TRIM67: variants seen among roughly 807,000 people sequenced by gnomAD.
The protein encoded by TRIM67 is tripartite motif containing 67.
A neutral mutation model predicts 71.0 loss-of-function variants in TRIM67; 39 were observed. That is an observed-to-expected ratio of 0.55 (90% confidence interval 0.43 to 0.72). The LOEUF (loss-of-function observed/expected upper bound fraction) is 0.72, where lower values mean the gene tolerates loss of function less well. Among genes scored for constraint, TRIM67 ranks in the 30% least tolerant of loss-of-function variants. The pLI, the probability that TRIM67 is intolerant of heterozygous loss-of-function variation, is 0.00. For missense variants in TRIM67, 973 were observed against 1,079.2 expected (o/e 0.90, Z 1.38); for synonymous variants, 481 against 473.9 (o/e 1.01, Z -0.19).
At position 231,218,742 on chromosome 1, in the gene TRIM67, G is replaced by A. The variant is rs1468316746; in HGVS notation, c.*3302G>A. On this transcript the variant is annotated 3_prime_UTR_variant, in exon 10 of 10. Transcript: ENST00000366653. Reference sequence around the variant, plus strand: ...ATATGTACTTTGTAGTTGCAACAGCGCCCTAGGTGCCCTATGGCCCACCAA... The same window carrying A: ...ATATGTACTTTGTAGTTGCAACAGCACCCTAGGTGCCCTATGGCCCACCAA... The A allele has an allele frequency of 9.1e-6, 9 of 985,384 alleles. No homozygotes were observed. Among genetic ancestry groups the A allele is most frequent in the African/African-American group, 7.0e-5 (4 of 57,322 alleles). 61.0% of individuals were successfully genotyped at this position (985,384 alleles called of 1,614,324 possible). A position where few individuals can be genotyped will look rare whatever the true frequency, so the allele number is the denominator to read the frequency against.
rs1684113727 is a variant in TRIM67, at chr1:231,220,407, G to C, written c.*4967G>C. ...CACTGCGAGGCCTCAAGGCCTCTGT[G>C]AGCAGAAGCCCCTTTAAACCAAGGA... On this transcript the variant is annotated 3_prime_UTR_variant, in exon 10 of 10. Coordinates refer to ENST00000366653, the MANE Select transcript of TRIM67 (RefSeq NM_001004342.5). 1 of 156,402 alleles carries C rather than the reference G, an allele frequency of 6.4e-6. No individual in the cohort carries two copies. Among genetic ancestry groups the C allele is most frequent in the Non-Finnish European group, 1.4e-5 (1 of 70,646 alleles). 9.7% of individuals were successfully genotyped at this position (156,402 alleles called of 1,614,324 possible).
At chr1:231,186,303 G>T in intron 1 of TRIM67, 1 of 734,052 alleles carries the variant, frequency 1.4e-6, no homozygotes, top group Non-Finnish European at 2.2e-6. Context: ...GACAAATCGG[G>T]CCTGACCTGG....
intron 1 of TRIM67, chr1:231,184,976 C>T (rs1459908568): frequency 6.6e-7 from 1 of 1,503,890 alleles, no homozygotes; most frequent in African/African-American, 1.4e-5. Context: ...AAACACCCAG[C>T]AGTGCTCCTG....
At position 231,216,769 on chromosome 1, in the gene TRIM67, T is replaced by A; in HGVS notation, c.*1329T>A. ...CAGGCTTCTCCCTTGAGATCCACAT[T>A]GATTCATCCACACCTCTCAGAGACA... On this transcript the variant is annotated 3_prime_UTR_variant, in exon 10 of 10. Transcript: ENST00000366653. The A allele has an allele frequency of 6.1e-6, 6 of 985,506 alleles. No homozygotes were observed. Among genetic ancestry groups the A allele is most frequent in the Non-Finnish European group, 7.2e-6 (6 of 829,946 alleles). The allele number at this position is 985,506 out of a possible 1,614,324, so 61.0% of individuals were successfully genotyped here. A position where few individuals can be genotyped will look rare whatever the true frequency, so the allele number is the denominator to read the frequency against.
At position 231,220,016 on chromosome 1, in the gene TRIM67, G is replaced by A. The variant is rs1684103083; in HGVS notation, c.*4576G>A. ...AATCTCTTATCCTTTCTGTGCCTCA[G>A]TATCCCCACCTGAAATGAGACTAGT... On this transcript the variant is annotated 3_prime_UTR_variant, in exon 10 of 10. Transcript: ENST00000366653. 1 of 1,210,240 alleles carries A rather than the reference G, an allele frequency of 8.3e-7. No individual in the cohort carries two copies. The highest frequency in any genetic ancestry group is 2.3e-5 in the Admixed American group (1 of 43,464). The allele number at this position is 1,210,240 out of a possible 1,614,324, so 75.0% of individuals were successfully genotyped here.
In TRIM67 at chr1:231,221,557, C is replaced by T. The variant is rs911365700; in HGVS notation, c.*6117C>T. On this transcript the variant is annotated 3_prime_UTR_variant, in exon 10 of 10. Transcript: ENST00000366653. ...AAATAAATTCTTTTGACACTGCCAA[C>T]AACAGAAAGACAAGATGTGGTCTGT... The T allele has an allele frequency of 6.6e-6, 1 of 152,630 alleles. No homozygotes were observed. Among genetic ancestry groups the T allele is most frequent in the Non-Finnish European group, 1.5e-5 (1 of 68,054 alleles). The allele number at this position is 152,630 out of a possible 1,614,324, so 9.5% of individuals were successfully genotyped here.
At chr1:231,194,910 T>C (rs1357798483) in intron 1 of TRIM67, among the ~76,000 whole-genome samples, 7 of 151,662 alleles carry the variant, frequency 4.6e-5, no homozygotes, top group Non-Finnish European at 1.0e-4. Flanking sequence ...GGCCGGGGAG[T>C]GCGGCAGGGA....
In TRIM67 at chr1:231,218,158, A is replaced by G; in HGVS notation, c.*2718A>G. On this transcript the variant is annotated 3_prime_UTR_variant, in exon 10 of 10. Transcript: ENST00000366653. ...AGAAAAGTGAAGAAGGAACTTATCA[A>G]TTCCTCATGGCCAGGAAGGTCCCGG... 1 of 1,039,152 alleles carries G rather than the reference A, an allele frequency of 9.6e-7. No individual in the cohort carries two copies. The highest frequency in any genetic ancestry group is 8.4e-5 in the East Asian group (1 of 11,924). 64.4% of individuals were successfully genotyped at this position (1,039,152 alleles called of 1,614,324 possible).
At chr1:231,213,756 T>G in intron 8 of TRIM67, 59 bp from the exon 9 acceptor site, 1 of 1,500,496 alleles carries the variant, frequency 6.7e-7, no homozygotes, top group Non-Finnish European at 9.0e-7. Context: ...TTCTCCTGAG[T>G]TATCACCTAC....
At chr1:231,185,469 G>A (rs74535317) in intron 1 of TRIM67, among the ~76,000 whole-genome samples, 10,801 of 151,880 alleles carry the variant, frequency 0.071, 596 homozygotes, top group Non-Finnish European at 0.1. Flanking sequence ...CAGGACCAGG[G>A]AGTGAGCCGG....
chr1:231,163,181 C>G lies in TRIM67; in HGVS notation c.212C>G (p.Ala71Gly). 1 of 1,492,074 alleles carries G rather than the reference C, an allele frequency of 6.7e-7. No homozygotes were observed. The highest frequency in any genetic ancestry group is 8.9e-7 in the Non-Finnish European group (1 of 1,120,992). The allele number at this position is 1,492,074 out of a possible 1,614,324, so 92.4% of individuals were successfully genotyped here. The change falls in exon 1 of 10, where the codon GCT becomes GGT. Residue 71 changes from alanine to glycine, a missense_variant. Transcript: ENST00000366653. ...GCCGCTGCCTCTCTGGAGCACGACG[C>G]TGCGGCTGGCCCGGCCTGCGGCGGT... is the stretch of plus-strand genomic sequence containing the variant. ...AAAAASLEHDAAAGPACGGAG... is the reference protein window; with the variant it reads ...AAAAASLEHDGAAGPACGGAG...
intron 1 of TRIM67, among the ~76,000 whole-genome samples, chr1:231,179,651 G>T (rs1278843793): frequency 6.6e-6 from 1 of 152,176 alleles, no homozygotes; most frequent in Non-Finnish European, 1.5e-5. Flanking sequence ...GGAACACTAG[G>T]CATAAATGGG....
chr1:231,197,686 G>T (rs374181344), intron 2 of TRIM67, among the ~76,000 whole-genome samples: 17 of 152,268 alleles, frequency 1.1e-4, no homozygotes, highest in African/African-American at 3.6e-4. Flanking sequence ...TTAGCCGGGC[G>T]TGGTGGCGCA....
intron 5 of TRIM67, among the ~76,000 whole-genome samples, chr1:231,203,192 T>C (rs1683598462): frequency 6.6e-6 from 1 of 152,198 alleles, no homozygotes; most frequent in Non-Finnish European, 1.5e-5. Context: ...ATTTCTAAAA[T>C]CTCTTGAGCC....
chr1:231,180,193 C>G (rs1024467711), intron 1 of TRIM67, among the ~76,000 whole-genome samples: 1 of 152,140 alleles, frequency 6.6e-6, no homozygotes, highest in Non-Finnish European at 1.5e-5. Flanking sequence ...AATACATTGG[C>G]ATTTTAATGG....
At chr1:231,184,642 C>A in intron 1 of TRIM67, 1 of 224,252 alleles carries the variant, frequency 4.5e-6, no homozygotes. Flanking sequence ...AAGGCAACTT[C>A]TCAAAGCAAA....
At chr1:231,187,661 A>C (rs1683123043) in intron 1 of TRIM67, 2 of 1,200,204 alleles carry the variant, frequency 1.7e-6, no homozygotes, top group East Asian at 2.6e-5. Context: ...CTGTCTCCCA[A>C]GTGGGGCATC....
chr1:231,201,280 C>A, intron 4 of TRIM67, 78 bp from the exon 5 acceptor site: 2 of 1,475,604 alleles, frequency 1.4e-6, no homozygotes, highest in East Asian at 2.5e-5. Flanking sequence ...GAGACAAAGT[C>A]CCTACCTCTT....
At position 231,219,036 on chromosome 1, in the gene TRIM67, G is replaced by A; in HGVS notation, c.*3596G>A. On this transcript the variant is annotated 3_prime_UTR_variant, in exon 10 of 10. Coordinates refer to ENST00000366653, the MANE Select transcript of TRIM67 (RefSeq NM_001004342.5). Reference sequence around the variant, plus strand: ...GGAAGGCGGGTTTCGGCACCGGTGGGCAGGTGGTTCAGTGTCAAGGAGGCT... The same window carrying A: ...GGAAGGCGGGTTTCGGCACCGGTGGACAGGTGGTTCAGTGTCAAGGAGGCT... The A allele has an allele frequency of 1.0e-6, 1 of 985,502 alleles. No homozygotes were observed. The highest frequency in any genetic ancestry group is 1.1e-4 in the East Asian group (1 of 8,804). 61.0% of individuals were successfully genotyped at this position (985,502 alleles called of 1,614,324 possible).
Sources: gnomAD v4.1 joint callset for allele counts (sites outside exome capture counted in the v4.1 genomes callset) on GRCh38, gnomAD v4.1.1 for gene constraint, MANE v1.5 for transcripts, NCBI Gene and HGNC (gene_info 2026-07-23, HGNC 2026-07-21) for gene names.